Variants in SPATA24 observed in about 807,000 individuals in gnomAD.
SPATA24 encodes spermatogenesis-associated protein 24.
A neutral mutation model predicts 28.9 loss-of-function variants in SPATA24; 21 were observed. That is an observed-to-expected ratio of 0.73 (90% CI 0.52 to 1.05). SPATA24 has a LOEUF of 1.05. SPATA24 is among the 50% of genes least tolerant of loss of function. The pLI is 0.00. For synonymous variants in SPATA24, 76 were observed against 89.9 expected (o/e 0.85, Z 0.88); for missense variants, 215 against 242.9 (o/e 0.88, Z 0.76).
At chr5:139,394,409 C>G (rs1758658234), downstream of SPATA24, 2 of 1,388,382 alleles carry the variant, frequency 1.4e-6, no homozygotes, top group African/African-American at 1.5e-5. Flanking sequence ...GGGCGCGGCG[C>G]GCCGGCCGCC....
At chr5:139,396,259 A>G, downstream of SPATA24, 1 of 985,340 alleles carries the variant, frequency 1.0e-6, no homozygotes, top group Non-Finnish European at 1.2e-6. Flanking sequence ...GCTCCATCCC[A>G]TCCAGCCCTG....
downstream of SPATA24, chr5:139,395,177 AC>A: frequency 8.0e-7 from 1 of 1,253,244 alleles, no homozygotes; most frequent in East Asian, 3.2e-5. Context: ...CGTGGGGGTC[AC>A]CGCGCCTTAA....
chr5:139,393,404 T>A, downstream of SPATA24: 2 of 1,551,676 alleles, frequency 1.3e-6, no homozygotes, highest in Non-Finnish European at 1.7e-6. Context: ...TGCATCTCTG[T>A]TGGTTCTGGA....
downstream of SPATA24, chr5:139,392,966 C>G: frequency 6.6e-7 from 1 of 1,504,030 alleles, no homozygotes; most frequent in Non-Finnish European, 8.9e-7. The surrounding 1 kb of genome is among the most constrained non-coding windows in gnomAD (Gnocchi z 5.8). Flanking sequence ...GCGTCCCGGG[C>G]GACCGTGTCG....
chr5:139,393,402 T>C, downstream of SPATA24: 1 of 1,551,676 alleles, frequency 6.4e-7, no homozygotes, highest in Non-Finnish European at 8.7e-7. Flanking sequence ...TCTGCATCTC[T>C]GTTGGTTCTG....
Position 139,401,838 on chromosome 5 carries a change from G to A in SPATA24, c.315-13C>T. On this transcript the variant is annotated splice_polypyrimidine_tract_variant and intron_variant, in intron 3 of 5. Coordinates refer to ENST00000450845, the MANE Select transcript of SPATA24 (RefSeq NM_194296.2). Reference sequence around the variant, plus strand: ...GACACTGGAGAGCCTGGGTGGGGAAGATAAGATGGGAGGGTGGGCAGGCTA... The same window carrying A: ...GACACTGGAGAGCCTGGGTGGGGAAAATAAGATGGGAGGGTGGGCAGGCTA... 1.9e-6 allele frequency: 3 copies of A among 1,547,366 alleles called. No individual in the cohort carries two copies. The highest frequency in any genetic ancestry group is 2.6e-6 in the Non-Finnish European group (3 of 1,143,896).
chr5:139,393,243 G>A (rs1758631182), downstream of SPATA24: 5 of 1,549,166 alleles, frequency 3.2e-6, no homozygotes, highest in Non-Finnish European at 3.5e-6. Flanking sequence ...GGCGTCCCGA[G>A]GCCGCCTCTC....
At chr5:139,396,341 T>C (rs1758705114), downstream of SPATA24, 1 of 985,332 alleles carries the variant, frequency 1.0e-6, no homozygotes, top group African/African-American at 1.7e-5. Flanking sequence ...CACAGCATTG[T>C]CTTTTCTCTT....
intron 4 of SPATA24, among the ~76,000 whole-genome samples, chr5:139,401,180 T>C (rs1758814172): frequency 6.6e-6 from 1 of 152,102 alleles, no homozygotes; most frequent in African/African-American, 2.4e-5. Flanking sequence ...TTGGTTTCAC[T>C]GGGCATGGTG....
At chr5:139,392,808 T>C, downstream of SPATA24, 1 of 1,501,164 alleles carries the variant, frequency 6.7e-7, no homozygotes, top group Non-Finnish European at 8.9e-7. This position sits in a 1 kb window ranked among gnomAD's most constrained non-coding sequence, Gnocchi z 5.8. Flanking sequence ...CCCTGTTCTC[T>C]CCTCCAGGGC....
downstream of SPATA24, chr5:139,394,143 C>T: frequency 1.3e-6 from 2 of 1,546,496 alleles, no homozygotes; most frequent in Non-Finnish European, 1.7e-6. Context: ...TGGGCCACGG[C>T]CTCGGGGCCT....
At chr5:139,398,319 T>C (rs988415906) in intron 4 of SPATA24, among the ~76,000 whole-genome samples, 27 of 151,706 alleles carry the variant, frequency 1.8e-4, no homozygotes, top group African/African-American at 6.1e-4. Context: ...GAGGCAAAGA[T>C]GACTTTCTGA....
chr5:139,397,209 A>T (rs1316072845), intron 4 of SPATA24, 66 bp from the exon 5 acceptor site: 2 of 1,280,404 alleles, frequency 1.6e-6, no homozygotes, highest in Non-Finnish European at 2.2e-6. Context: ...GAGATAAGGC[A>T]TTCCCTCACG....
chr5:139,396,522 G>A (rs544355122), downstream of SPATA24: 1 of 1,259,446 alleles, frequency 7.9e-7, no homozygotes, highest in South Asian at 1.8e-5. Context: ...TAGTCAAGTT[G>A]GGAAGTTAAA....
At position 139,396,793 on chromosome 5, in the gene SPATA24, G is replaced by C; in HGVS notation, c.*7C>G. On this transcript the variant is annotated 3_prime_UTR_variant, in exon 6 of 6. Transcript: ENST00000450845. ...TACAGCCAGAGAACAGGAAAGCGGC[G>C]GCCATTTTATTTTTCCCTGGGATGC... 6.4e-7 allele frequency: 1 copy of C among 1,551,716 alleles called. No homozygotes were observed. Among genetic ancestry groups the C allele is most frequent in the African/African-American group, 1.4e-5 (1 of 73,176 alleles).
At chr5:139,396,066 T>A (rs964035083), downstream of SPATA24, 5 of 598,748 alleles carry the variant, frequency 8.4e-6, no homozygotes, top group Non-Finnish European at 1.0e-5. Flanking sequence ...AAGGTCCTGC[T>A]ATGACTCAGG....
chr5:139,398,442 T>C (rs1341597231), intron 4 of SPATA24, among the ~76,000 whole-genome samples: 2 of 150,402 alleles, frequency 1.3e-5, no homozygotes, highest in Non-Finnish European at 3.0e-5. Flanking sequence ...GGGCATGGTG[T>C]TGGAACATGC....
rs1018513032 is a variant in SPATA24 at position 139,401,816 on chromosome 5, A to G, written c.324T>C (p.Ser108=). 2 of 1,550,782 alleles carry G rather than the reference A, an allele frequency of 1.3e-6. No homozygotes were observed. The highest frequency in any genetic ancestry group is 1.4e-5 in the African/African-American group (1 of 73,020). Residue 108 remains serine, a synonymous_variant, in exon 4 of 6, where the codon AGT becomes AGC. Coordinates refer to ENST00000450845, the MANE Select transcript of SPATA24 (RefSeq NM_194296.2). ...ACTCCTGAAGGACTTTGCTCTTGAC[A>G]CTGGAGAGCCTGGGTGGGGAAGATA... ...EKLAFEKALS[S]VKSKVLQESS...
downstream of SPATA24, chr5:139,395,465 T>C: frequency 5.0e-6 from 1 of 198,534 alleles, no homozygotes; most frequent in Non-Finnish European, 1.0e-5. Flanking sequence ...CACTGCTGTG[T>C]GCAGTTCAGG....
Sources: gnomAD v4.1 joint callset for allele counts (sites outside exome capture counted in the v4.1 genomes callset) on GRCh38, gnomAD v4.1.1 for gene constraint, Gnocchi (gnomAD v3.1) non-coding constraint, MANE v1.5 for transcripts, NCBI Gene and HGNC (gene_info 2026-07-23, HGNC 2026-07-21) for gene names.